Variants in SNTG1 observed in about 807,000 individuals in gnomAD.
SNTG1 encodes syntrophin gamma 1.
In SNTG1, 39 loss-of-function variants were observed where a neutral mutation model predicts 74.7. The ratio of observed to expected loss-of-function variants is 0.52; its 90% CI spans 0.40 to 0.68. The LOEUF is 0.68. Among genes scored for constraint, SNTG1 ranks in the 30% least tolerant of loss-of-function variants. The pLI, the probability that SNTG1 is intolerant of heterozygous loss-of-function variation, is 0.00. For synonymous variants in SNTG1, 254 were observed against 217.1 expected, an observed-to-expected ratio of 1.17 and a Z score of -1.49; for missense variants, 685 against 609.5, an observed-to-expected ratio of 1.12 and a Z score of -1.30.
At chr8:50,027,179 G>A (rs1817341729) in intron 1 of SNTG1, among the ~76,000 whole-genome samples, 1 of 152,104 alleles carries the variant, frequency 6.6e-6, no homozygotes, top group African/African-American at 2.4e-5. Flanking sequence ...TGGTCAAAGG[G>A]GGAATTAAGT....
intron 2 of SNTG1, among the ~76,000 whole-genome samples, chr8:50,362,935 A>G (rs1464802277): frequency 6.6e-6 from 1 of 152,174 alleles, no homozygotes; most frequent in South Asian, 2.1e-4. Flanking sequence ...AAACACAGAC[A>G]ACTGAATTGC....
intron 2 of SNTG1, among the ~76,000 whole-genome samples, chr8:50,331,607 G>T (rs1478292800): frequency 6.6e-6 from 1 of 152,112 alleles, no homozygotes; most frequent in African/African-American, 2.4e-5. Context: ...CTTGGCAGGT[G>T]AGTGCTTCAT....
At chr8:50,044,578 G>A in intron 1 of SNTG1, among the ~76,000 whole-genome samples, 1 of 152,092 alleles carries the variant, frequency 6.6e-6, no homozygotes, top group Non-Finnish European at 1.5e-5. Context: ...CAGGAGGTGT[G>A]GCATGGAGCC....
intron 2 of SNTG1, among the ~76,000 whole-genome samples, chr8:50,321,160 A>C (rs1156365314): frequency 6.6e-6 from 1 of 152,044 alleles, no homozygotes. Context: ...TATTGTGTCC[A>C]GGTCTATCTC....
At chr8:50,020,290 C>T (rs1417165779) in intron 1 of SNTG1, among the ~76,000 whole-genome samples, 1 of 151,938 alleles carries the variant, frequency 6.6e-6, no homozygotes, top group Non-Finnish European at 1.5e-5. Context: ...AATAATAAGC[C>T]TTTACTTTCT....
At chr8:50,715,557 G>A (rs7018197) in intron 17 of SNTG1, among the ~76,000 whole-genome samples, 4 of 151,934 alleles carry the variant, frequency 2.6e-5, no homozygotes, top group Non-Finnish European at 4.4e-5. Flanking sequence ...GGAAACAGTC[G>A]TAAGAATGAG....
chr8:50,203,862 A>C (rs1001674473), intron 2 of SNTG1, among the ~76,000 whole-genome samples: 5 of 152,114 alleles, frequency 3.3e-5, no homozygotes, highest in African/African-American at 9.7e-5. Context: ...TAAAAATAAC[A>C]ATGTAGGATG....
At chr8:50,526,660 TA>T (rs772685545) in intron 9 of SNTG1, among the ~76,000 whole-genome samples, 21,863 of 151,824 alleles carry the variant, frequency 0.14, 1,995 homozygotes, top group Middle Eastern at 0.26. Flanking sequence ...TATATATATA[TA>T]TTTTTTTGAG....
intron 4 of SNTG1, among the ~76,000 whole-genome samples, chr8:50,411,231 G>A (rs1045848550): frequency 1.3e-5 from 2 of 151,980 alleles, no homozygotes; most frequent in Non-Finnish European, 2.9e-5. Flanking sequence ...GCCAAATCAC[G>A]AGGTCAGGAG....
chr8:50,119,633 A>T (rs890788186), intron 1 of SNTG1, among the ~76,000 whole-genome samples: 4 of 142,016 alleles, frequency 2.8e-5, no homozygotes, highest in African/African-American at 7.6e-5. Context: ...ATTAGATGAG[A>T]TAATAGGTAA....
intron 2 of SNTG1, among the ~76,000 whole-genome samples, chr8:50,237,354 G>C (rs1291894228): frequency 6.6e-6 from 1 of 152,018 alleles, no homozygotes; most frequent in Non-Finnish European, 1.5e-5. Context: ...TACTTTATTG[G>C]TGATGTCATG....
At chr8:50,624,853 A>T (rs566638037) in intron 13 of SNTG1, among the ~76,000 whole-genome samples, 1 of 152,208 alleles carries the variant, frequency 6.6e-6, no homozygotes, top group East Asian at 1.9e-4. Flanking sequence ...TGAGGTTCAT[A>T]CTGCAAGACA....
chr8:50,685,032 C>T (rs1332438650), intron 15 of SNTG1, among the ~76,000 whole-genome samples: 2 of 151,718 alleles, frequency 1.3e-5, no homozygotes, highest in Non-Finnish European at 2.9e-5. Flanking sequence ...AGCTTCACTT[C>T]TCCAAGCCCA....
intron 11 of SNTG1, among the ~76,000 whole-genome samples, chr8:50,549,471 C>A (rs2094410680): frequency 6.6e-6 from 1 of 152,114 alleles, no homozygotes; most frequent in African/African-American, 2.4e-5. Flanking sequence ...TCTCATTGTT[C>A]ATTTTGTGTA....
At chr8:50,694,432 G>A (rs1337135251) in intron 15 of SNTG1, among the ~76,000 whole-genome samples, 1 of 152,068 alleles carries the variant, frequency 6.6e-6, no homozygotes, top group Non-Finnish European at 1.5e-5. Context: ...TGAGGAGACT[G>A]AATTAGTAAT....
intron 17 of SNTG1, among the ~76,000 whole-genome samples, chr8:50,732,968 C>G (rs1016057861): frequency 1.3e-5 from 2 of 151,676 alleles, no homozygotes; most frequent in African/African-American, 2.4e-5. Context: ...ATACAGGAGG[C>G]AAATGTGCAG....
intron 11 of SNTG1, among the ~76,000 whole-genome samples, chr8:50,542,685 G>A (rs1344692794): frequency 6.6e-6 from 1 of 152,124 alleles, no homozygotes; most frequent in South Asian, 2.1e-4. Context: ...TGAAGTAGTG[G>A]TTGTACTAAT....
intron 1 of SNTG1, among the ~76,000 whole-genome samples, chr8:49,951,240 T>C (rs1585632132): frequency 1.3e-5 from 2 of 152,352 alleles, no homozygotes; most frequent in Non-Finnish European, 2.9e-5. Context: ...AAGACAGCAA[T>C]ATTTTATCTG....
chr8:50,549,523 G>T (rs1189107280), intron 11 of SNTG1, among the ~76,000 whole-genome samples: 4 of 152,046 alleles, frequency 2.6e-5, no homozygotes, highest in Non-Finnish European at 5.9e-5. Context: ...CCCACAGAGA[G>T]ATATTTCTAA....
Sources: gnomAD v4.1 joint callset for allele counts (sites outside exome capture counted in the v4.1 genomes callset) on GRCh38, gnomAD v4.1.1 for gene constraint, MANE v1.5 for transcripts, NCBI Gene and HGNC (gene_info 2026-07-23, HGNC 2026-07-21) for gene names.